TNFAIP2: variants seen among roughly 807,000 people sequenced by gnomAD.
The protein encoded by TNFAIP2 is tumor necrosis factor alpha-induced protein 2.
Under a neutral mutation model 63.5 loss-of-function variants are expected in TNFAIP2, and 47 were observed. The ratio of observed to expected loss-of-function variants is 0.74; its 90% confidence interval spans 0.59 to 0.94. The LOEUF is 0.94. TNFAIP2 is among the 40% of genes least tolerant of loss of function. The pLI is 0.00. For synonymous variants in TNFAIP2, 405 were observed against 390.2 expected (o/e 1.04, Z -0.45); for missense variants, 787 against 850.2 (o/e 0.93, Z 0.92).
Position 103,133,236 on chromosome 14 carries a change from G to A in TNFAIP2, c.1546-126G>A, listed in dbSNP as rs907978071. The A allele has an allele frequency of 3.3e-6, 4 of 1,216,044 alleles. No homozygotes were observed. In the East Asian group the frequency reaches 1.0e-4, roughly 31 times the overall value. 75.3% of individuals were successfully genotyped at this position (1,216,044 alleles called of 1,614,324 possible). A position where few individuals can be genotyped will look rare whatever the true frequency, so the allele number is the denominator to read the frequency against. ...TGAACGCACACATGTGGACGCACGA[G>A]CACGTGTGCAGTCTTTTGCTCTGGC... On this transcript the variant is annotated intron_variant, in intron 9 of 11. Transcript: ENST00000560869.
Position 103,133,743 on chromosome 14 carries a change from A to C in TNFAIP2, c.1763A>C (p.Gln588Pro). The C allele has an allele frequency of 6.3e-7, 1 of 1,597,258 alleles. No individual in the cohort carries two copies. The highest frequency in any genetic ancestry group is 8.5e-7 in the Non-Finnish European group (1 of 1,176,792). Residue 588 changes from glutamine to proline, a missense_variant, in exon 11 of 12, where the codon CAG becomes CCG. This residue lies in a region of TNFAIP2 where 523 missense variants were observed against 604.1 expected (regional missense o/e 0.87). Coordinates refer to ENST00000560869, the MANE Select transcript of TNFAIP2 (RefSeq NM_006291.4). ...ACGCTGGCCGAGATCATTCGCCTGCAGGACCCCAGTGCCATCAAGATTGAG... is the reference window on the plus strand; with the variant it reads ...ACGCTGGCCGAGATCATTCGCCTGCCGGACCCCAGTGCCATCAAGATTGAG... ...LPTLAEIIRLQDPSAIKIEVA... is the reference protein window; with the variant it reads ...LPTLAEIIRLPDPSAIKIEVA...
intron 1 of TNFAIP2, among the ~76,000 whole-genome samples, chr14:103,124,978 G>A (rs1381249061): frequency 3.3e-5 from 5 of 152,226 alleles, no homozygotes; most frequent in Non-Finnish European, 7.4e-5. Flanking sequence ...GGCTGGTGGA[G>A]GCAGCGGGGC....
chr14:103,126,532 G>A lies in TNFAIP2; in HGVS notation c.75G>A (p.Glu25=). ...AGAAPYREEE[E]AAKKKKEKKK... ...CAGCCCCATATAGGGAGGAGGAAGAGGCGGCGAAGAAGAAGAAGGAGAAGA... is the reference window on the plus strand; with the variant it reads ...CAGCCCCATATAGGGAGGAGGAAGAAGCGGCGAAGAAGAAGAAGGAGAAGA... Residue 25 remains glutamate (E), a synonymous_variant, in exon 2 of 12, where the codon GAG becomes GAA. Coordinates refer to ENST00000560869, the MANE Select transcript of TNFAIP2 (RefSeq NM_006291.4). 2 of 1,580,520 alleles carry A rather than the reference G, an allele frequency of 1.3e-6. No homozygotes were observed. The highest frequency in any genetic ancestry group is 1.7e-6 in the Non-Finnish European group (2 of 1,163,544).
intron 1 of TNFAIP2, among the ~76,000 whole-genome samples, chr14:103,125,269 C>G (rs1361991946): frequency 1.3e-5 from 2 of 152,230 alleles, no homozygotes; most frequent in Admixed American, 1.3e-4. Context: ...ATCAGCCATG[C>G]TCTTCTCCAG....
chr14:103,133,956 C>T (rs1482829701), intron 11 of TNFAIP2, among the ~76,000 whole-genome samples, 153 bp downstream of exon 11: 3 of 152,370 alleles, frequency 2.0e-5, no homozygotes, highest in Admixed American at 2.0e-4. Flanking sequence ...TTCACCACAG[C>T]ACTACGAGGA....
chr14:103,135,163 C>G lies in TNFAIP2; in HGVS notation c.1824-56C>G. ...TGGCACTGGCCGGGAGTGCAGGGAG[C>G]TGGTGAGTAGGGGTGTGGGTGACAG... On this transcript the variant is annotated intron_variant, in intron 11 of 11. Coordinates refer to ENST00000560869, the MANE Select transcript of TNFAIP2 (RefSeq NM_006291.4). This position sits in a 1 kb window ranked among gnomAD's most constrained non-coding sequence, Gnocchi z 7.6. 6.2e-7 allele frequency: 1 copy of G among 1,610,316 alleles called. No homozygotes were observed.
intron 6 of TNFAIP2, 98 bp from the exon 7 acceptor site, chr14:103,130,954 A>G (rs1304296770): frequency 5.3e-6 from 7 of 1,310,634 alleles, no homozygotes; most frequent in Non-Finnish European, 7.5e-6. Context: ...GCCAAACAGA[A>G]AAGTGAACCC....
At chr14:103,129,965 G>A in intron 4 of TNFAIP2, 37 bp from the exon 5 acceptor site, 2 of 1,609,504 alleles carry the variant, frequency 1.2e-6, no homozygotes, top group Admixed American at 1.7e-5. Context: ...AGCGAGGTGA[G>A]GGATAGTGCC....
chr14:103,122,603 A>G (rs1456214863), upstream of TNFAIP2: 1 of 453,304 alleles, frequency 2.2e-6, no homozygotes, highest in East Asian at 7.0e-5. Context: ...ATCTCCCAAA[A>G]CAAACCCTGA....
At chr14:103,130,824 TAG>T in intron 6 of TNFAIP2, among the ~76,000 whole-genome samples, 2 of 152,286 alleles carry the variant, frequency 1.3e-5, no homozygotes. Flanking sequence ...CTCCCAACTC[TAG>T]AGAGGGCCTG....
intron 9 of TNFAIP2, 79 bp downstream of exon 9, chr14:103,132,951 C>T (rs1347693736): frequency 1.9e-6 from 3 of 1,580,002 alleles, no homozygotes; most frequent in East Asian, 2.3e-5. Context: ...CGTCTGTGTA[C>T]ACTCACGCAC....
chr14:103,129,511 G>T (rs903448551), intron 3 of TNFAIP2, among the ~76,000 whole-genome samples: 1 of 151,766 alleles, frequency 6.6e-6, no homozygotes, highest in Non-Finnish European at 1.5e-5. Flanking sequence ...TAATGGGGGG[G>T]GGGTGGTGAG....
upstream of TNFAIP2, chr14:103,122,617 A>G: frequency 2.2e-6 from 1 of 455,088 alleles, no homozygotes; most frequent in Non-Finnish European, 4.4e-6. Flanking sequence ...ACCCTGAGAG[A>G]CGGTGTGGAT....
upstream of TNFAIP2, among the ~76,000 whole-genome samples, chr14:103,122,084 T>C (rs957387837): frequency 5.3e-5 from 8 of 152,132 alleles, no homozygotes. Context: ...CGCGGCTCTG[T>C]GGACTCATCT....
In TNFAIP2 at chr14:103,135,607, T is replaced by C. The variant is rs981547179; in HGVS notation, c.*247T>C. 4.3e-6 allele frequency: 6 copies of C among 1,391,176 alleles called. No homozygotes were observed. The highest frequency in any genetic ancestry group is 2.6e-4 in the Middle Eastern group (1 of 3,854). 86.2% of individuals were successfully genotyped at this position (1,391,176 alleles called of 1,614,324 possible). On this transcript the variant is annotated 3_prime_UTR_variant, in exon 12 of 12. Coordinates refer to ENST00000560869, the MANE Select transcript of TNFAIP2 (RefSeq NM_006291.4). The surrounding 1 kb of genome is among the most constrained non-coding windows in gnomAD (Gnocchi z 7.6). ...CAGCCAACCAGGCAACACCAAGGAC[T>C]CTTTGTAAACGATAGCTGATCGTGT...
intron 3 of TNFAIP2, among the ~76,000 whole-genome samples, chr14:103,129,194 G>A (rs960210853): frequency 2.0e-5 from 3 of 152,246 alleles, no homozygotes; most frequent in African/African-American, 7.2e-5. Flanking sequence ...GGTGGCCGGG[G>A]CTGGTGAGAT....
rs1371056394 is a variant in TNFAIP2 at position 103,127,267 on chromosome 14, C to T, written c.498C>T (p.Arg166=). 10 of 1,000,222 alleles carry T rather than the reference C, an allele frequency of 1.0e-5. No individual in the cohort carries two copies. Among genetic ancestry groups the T allele is most frequent in the Non-Finnish European group, 1.2e-5 (10 of 841,640 alleles). 62.0% of individuals were successfully genotyped at this position (1,000,222 alleles called of 1,614,324 possible). Residue 166 remains arginine (R), a synonymous_variant, in exon 3 of 12, where the codon CGC becomes CGT. Coordinates refer to ENST00000560869, the MANE Select transcript of TNFAIP2 (RefSeq NM_006291.4). This position sits in a 1 kb window ranked among gnomAD's most constrained non-coding sequence, Gnocchi z 5.1. ...TGGCGGAGCAGGAGCGCGAGGACCG[C>T]CAGGCGGCGGCGGCGGGGCCGGGGA... ...AVVAEQERED[R]QAAAAGPGTS...
Position 103,130,128 on chromosome 14 carries a change from C to A in TNFAIP2, c.1098+4C>A, listed in dbSNP as rs8176361. ...GCTGGCCATCGACATCATCCAGGTA[C>A]TGCAATCTGCCCCAGGGCACACGTA... On this transcript the variant is annotated splice_donor_region_variant and intron_variant, in intron 5 of 11. Transcript: ENST00000560869. 1 of 1,612,004 alleles carries A rather than the reference C, an allele frequency of 6.2e-7. No individual in the cohort carries two copies. The highest frequency in any genetic ancestry group is 1.3e-5 in the African/African-American group (1 of 75,036).
rs2088067119 is a variant in TNFAIP2, at chr14:103,135,082, T to C, written c.1824-137T>C. 6 of 1,040,726 alleles carry C rather than the reference T, an allele frequency of 5.8e-6. No homozygotes were observed. The highest frequency in any genetic ancestry group is 2.5e-5 in the East Asian group (1 of 39,930). 64.5% of individuals were successfully genotyped at this position (1,040,726 alleles called of 1,614,324 possible). On this transcript the variant is annotated intron_variant, in intron 11 of 11. Transcript: ENST00000560869. This position sits in a 1 kb window ranked among gnomAD's most constrained non-coding sequence, Gnocchi z 7.6. Reference sequence around the variant, plus strand: ...GGGACCATCAGGTGGAGGGCATGGGTGAGGGAGAGTGAAGTGCAGCCCCCT... The same window carrying C: ...GGGACCATCAGGTGGAGGGCATGGGCGAGGGAGAGTGAAGTGCAGCCCCCT...
Sources: gnomAD v4.1 joint callset for allele counts (sites outside exome capture counted in the v4.1 genomes callset) on GRCh38, gnomAD v4.1.1 for gene constraint, gnomAD v4.1.1 regional missense constraint, Gnocchi (gnomAD v3.1) non-coding constraint, MANE v1.5 for transcripts, NCBI Gene and HGNC (gene_info 2026-07-23, HGNC 2026-07-21) for gene names.